Variants in HCN1 observed in about 807,000 individuals in gnomAD.
The protein encoded by HCN1 is potassium/sodium hyperpolarization-activated cyclic nucleotide-gated channel 1.
Under a neutral mutation model 78.9 loss-of-function variants are expected in HCN1, and 13 were observed. That is an observed-to-expected ratio of 0.16 (90% CI 0.11 to 0.26). The LOEUF is 0.26. Among genes scored for constraint, HCN1 ranks in the 10% least tolerant of loss-of-function variants. The probability of loss-of-function intolerance (pLI) is 1.00; values close to 1 mark genes in which losing one functional copy is unlikely to be tolerated. For missense variants in HCN1, 810 were observed against 1,154.3 expected (o/e 0.70, Z 4.32); for synonymous variants, 552 against 455.5 (o/e 1.21, Z -2.70).
chr5:45,445,132 CAAAG>C (rs1478946956), intron 3 of HCN1, among the ~76,000 whole-genome samples: 2 of 152,336 alleles, frequency 1.3e-5, no homozygotes, highest in East Asian at 1.9e-4. Context: ...CTTTCCTAGT[CAAAG>C]AAAGGGGTGA....
chr5:45,581,186 A>C (rs898484276), intron 2 of HCN1, among the ~76,000 whole-genome samples: 194 of 152,106 alleles, frequency 1.3e-3, no homozygotes, highest in African/African-American at 4.4e-3. Context: ...TCTCCACATC[A>C]TCTCCAGCAC....
chr5:45,564,330 G>A (rs1233969611), intron 2 of HCN1, among the ~76,000 whole-genome samples: 4 of 150,734 alleles, frequency 2.7e-5, no homozygotes, highest in Admixed American at 1.3e-4. Context: ...GCGCCATCTC[G>A]GCTCACTGCA....
At position 45,695,813 on chromosome 5, in the gene HCN1, A is replaced by T. The variant is rs772623522; in HGVS notation, c.281T>A (p.Met94Lys). ...CAGCATGGAGGTGAACTGCCTCTGC[A>T]TGAAGCCGTACTGCCGCCGGGGCCC... ...AEGPRRQYGF[M>K]QRQFTSMLQP... The change falls in exon 1 of 8, where the codon ATG becomes AAG. Residue 94 changes from methionine (M) to lysine (K), a missense_variant. Physicochemically the swap from Met to Lys is moderately conservative, Grantham distance 95. Around this residue, in one of 6 missense-constraint regions of HCN1, gnomAD observed 170 missense variants for 166.8 expected, o/e 1.02. Coordinates refer to ENST00000303230, the MANE Select transcript of HCN1 (RefSeq NM_021072.4). 1 of 1,609,296 alleles carries T rather than the reference A, an allele frequency of 6.2e-7. No individual in the cohort carries two copies. The highest frequency in any genetic ancestry group is 8.5e-7 in the Non-Finnish European group (1 of 1,179,342).
At chr5:45,644,375 A>C (rs1745506803) in intron 2 of HCN1, 1 of 152,158 alleles carries the variant, frequency 6.6e-6, no homozygotes, top group South Asian at 2.1e-4. Context: ...GTTAATATTC[A>C]GACTTTGAAG....
At chr5:45,276,810 A>C (rs1745069654) in intron 6 of HCN1, among the ~76,000 whole-genome samples, 1 of 152,130 alleles carries the variant, frequency 6.6e-6, no homozygotes, top group South Asian at 2.1e-4. Flanking sequence ...TGGTGACATG[A>C]AGGGTCTTGG....
intron 2 of HCN1, among the ~76,000 whole-genome samples, chr5:45,549,252 C>A (rs1415015372): frequency 6.6e-6 from 1 of 152,250 alleles, no homozygotes; most frequent in Admixed American, 6.5e-5. Context: ...AACTATACTA[C>A]AAGGCTACAG....
intron 1 of HCN1, among the ~76,000 whole-genome samples, chr5:45,685,821 G>T (rs1739797987): frequency 6.6e-6 from 1 of 152,162 alleles, no homozygotes; most frequent in Non-Finnish European, 1.5e-5. Context: ...GCCAGGGATT[G>T]CATGAAGGTA....
intron 6 of HCN1, among the ~76,000 whole-genome samples, chr5:45,275,388 C>A (rs1452170448): frequency 6.6e-6 from 1 of 152,116 alleles, no homozygotes; most frequent in Non-Finnish European, 1.5e-5. Flanking sequence ...GAAGCTTTGG[C>A]TCCAATTGAC....
chr5:45,591,435 T>G (rs1462100079), intron 2 of HCN1, among the ~76,000 whole-genome samples: 1 of 152,166 alleles, frequency 6.6e-6, no homozygotes, highest in Non-Finnish European at 1.5e-5. Flanking sequence ...GTATCTGATG[T>G]TGTCAGTGTT....
At chr5:45,605,471 C>T (rs1316981136) in intron 2 of HCN1, among the ~76,000 whole-genome samples, 2 of 151,438 alleles carry the variant, frequency 1.3e-5, no homozygotes, top group East Asian at 1.9e-4. Context: ...TAAATTTCTG[C>T]ACCATTACTT....
intron 6 of HCN1, among the ~76,000 whole-genome samples, chr5:45,298,215 G>A (rs960474684): frequency 4.6e-5 from 7 of 152,134 alleles, no homozygotes; most frequent in African/African-American, 7.2e-5. Context: ...GGATTAATTG[G>A]TTGATGTATA....
intron 3 of HCN1, among the ~76,000 whole-genome samples, chr5:45,425,795 G>T (rs1252563944): frequency 6.6e-6 from 1 of 152,156 alleles, no homozygotes; most frequent in Non-Finnish European, 1.5e-5. Flanking sequence ...CGACAGAAGA[G>T]TGTGATACGG....
intron 2 of HCN1, among the ~76,000 whole-genome samples, chr5:45,469,686 A>G (rs1033937269): frequency 1.3e-5 from 2 of 152,026 alleles, no homozygotes; most frequent in Non-Finnish European, 2.9e-5. Context: ...TGAGAATTCA[A>G]AATAAAATAC....
At chr5:45,607,849 C>T (rs1158858961) in intron 2 of HCN1, among the ~76,000 whole-genome samples, 1 of 151,622 alleles carries the variant, frequency 6.6e-6, no homozygotes, top group Non-Finnish European at 1.5e-5. Context: ...CTGCTGTCAC[C>T]TTCTCTACTC....
At chr5:45,464,628 C>G (rs1274903135) in intron 2 of HCN1, among the ~76,000 whole-genome samples, 1 of 152,118 alleles carries the variant, frequency 6.6e-6, no homozygotes, top group Non-Finnish European at 1.5e-5. Flanking sequence ...ATATCTTCAT[C>G]TTTATTTATC....
intron 2 of HCN1, among the ~76,000 whole-genome samples, chr5:45,600,820 G>T (rs998355864): frequency 1.3e-5 from 2 of 152,082 alleles, no homozygotes; most frequent in Non-Finnish European, 2.9e-5. Flanking sequence ...CTTCTATATG[G>T]GTTAGAGAAG....
At chr5:45,488,870 T>G (rs1001970010) in intron 2 of HCN1, among the ~76,000 whole-genome samples, 1 of 152,158 alleles carries the variant, frequency 6.6e-6, no homozygotes, top group African/African-American at 2.4e-5. Flanking sequence ...GTCAAGAAAC[T>G]GAGGAAACAC....
chr5:45,608,901 G>A (rs1168454511), intron 2 of HCN1, among the ~76,000 whole-genome samples: 5 of 151,960 alleles, frequency 3.3e-5, no homozygotes, highest in Non-Finnish European at 7.4e-5. Flanking sequence ...TGTCTTATAA[G>A]TGACTCCTAT....
chr5:45,430,079 A>T (rs540493798), intron 3 of HCN1, among the ~76,000 whole-genome samples: 1 of 152,322 alleles, frequency 6.6e-6, no homozygotes, highest in South Asian at 2.1e-4. Context: ...AAATCTTCCA[A>T]TATATTATTT....
Sources: gnomAD v4.1 joint callset for allele counts (sites outside exome capture counted in the v4.1 genomes callset) on GRCh38, gnomAD v4.1.1 for gene constraint, gnomAD v4.1.1 regional missense constraint, MANE v1.5 for transcripts, NCBI Gene and HGNC (gene_info 2026-07-23, HGNC 2026-07-21) for gene names.